IGF1: variants seen among roughly 807,000 people sequenced by gnomAD.
The protein encoded by IGF1 is insulin-like growth factor 1.
IGF1 carries 4 observed loss-of-function variants against 13.8 expected under a neutral mutation model. The observed-to-expected ratio is 0.29, with a 90% CI of 0.14 to 0.66. IGF1 has a LOEUF of 0.66. Ranked by LOEUF, IGF1 falls within the 30% of genes least tolerant of loss-of-function variation. The probability of loss-of-function intolerance (pLI) is 0.78; values close to 1 mark genes in which losing one functional copy is unlikely to be tolerated. For synonymous variants in IGF1, 76 were observed against 72.6 expected (o/e 1.05, Z -0.23); for missense variants, 124 against 188.5 (o/e 0.66, Z 2.00).
intron 3 of IGF1, among the ~76,000 whole-genome samples, chr12:102,418,215 C>G (rs1875337266): frequency 6.6e-6 from 1 of 152,204 alleles, no homozygotes; most frequent in African/African-American, 2.4e-5. Context: ...CCAAGAGGCG[C>G]TGGGTCACCT....
chr12:102,426,372 A>G (rs892313476), intron 2 of IGF1, among the ~76,000 whole-genome samples: 2 of 152,264 alleles, frequency 1.3e-5, no homozygotes, highest in African/African-American at 4.8e-5. Context: ...TAAACTATAT[A>G]AATGTTGACA....
chr12:102,464,571 T>A (rs1802392066), intron 2 of IGF1, among the ~76,000 whole-genome samples: 1 of 151,468 alleles, frequency 6.6e-6, no homozygotes, highest in South Asian at 2.1e-4. Context: ...GTAGCAGCAG[T>A]AGCAGTAGCC....
intron 2 of IGF1, among the ~76,000 whole-genome samples, chr12:102,437,044 G>T (rs1401701903): frequency 1.3e-5 from 2 of 152,206 alleles, no homozygotes; most frequent in Non-Finnish European, 2.9e-5. Context: ...GGTTTTTAAT[G>T]ATTCTCTTTC....
chr12:102,454,206 G>A (rs2137165933), intron 2 of IGF1, among the ~76,000 whole-genome samples: 1 of 152,206 alleles, frequency 6.6e-6, no homozygotes, highest in South Asian at 2.1e-4. Flanking sequence ...CCTGTACAAG[G>A]CCTACCTTAA....
At chr12:102,461,713 A>G (rs1028229923) in intron 2 of IGF1, among the ~76,000 whole-genome samples, 9 of 152,192 alleles carry the variant, frequency 5.9e-5, no homozygotes, top group Middle Eastern at 3.2e-3. Flanking sequence ...TCCAATTTCC[A>G]GTTCACAGAA....
chr12:102,448,522 C>T (rs1247688091), intron 2 of IGF1, among the ~76,000 whole-genome samples: 1 of 117,752 alleles, frequency 8.5e-6, no homozygotes, highest in Non-Finnish European at 1.7e-5. Context: ...GGGAATATCA[C>T]ACTCTGGGGA....
chr12:102,431,184 T>G (rs1876708671), intron 2 of IGF1, among the ~76,000 whole-genome samples: 2 of 152,240 alleles, frequency 1.3e-5, no homozygotes, highest in Admixed American at 1.3e-4. Context: ...CTACTAGGCT[T>G]GAAGCTTAGT....
chr12:102,449,040 A>G (rs1397801045), intron 2 of IGF1, among the ~76,000 whole-genome samples: 1 of 152,202 alleles, frequency 6.6e-6, no homozygotes, highest in Non-Finnish European at 1.5e-5. Flanking sequence ...CAGCAATCCC[A>G]TTACTGGGTA....
At chr12:102,432,045 C>A (rs919401559) in intron 2 of IGF1, among the ~76,000 whole-genome samples, 3 of 152,168 alleles carry the variant, frequency 2.0e-5, no homozygotes, top group Non-Finnish European at 2.9e-5. Context: ...TACCCATAAT[C>A]TTGATATCCC....
chr12:102,418,468 G>C (rs190756943), intron 3 of IGF1, among the ~76,000 whole-genome samples: 1 of 152,324 alleles, frequency 6.6e-6, no homozygotes, highest in Non-Finnish European at 1.5e-5. Context: ...AGCAGCGAAG[G>C]TGTCATGGTG....
In IGF1 at chr12:102,398,777, GCTTT is replaced by G. The variant is rs1269016247; in HGVS notation, c.*3726_*3729del. 6.6e-6 allele frequency: 1 copy of G among 151,920 alleles called. No individual in the cohort carries two copies. The highest frequency in any genetic ancestry group is 1.5e-5 in the Non-Finnish European group (1 of 67,916). 9.4% of individuals were successfully genotyped at this position (151,920 alleles called of 1,614,324 possible). A position where few individuals can be genotyped will look rare whatever the true frequency, so the allele number is the denominator to read the frequency against. Reference sequence around the variant, plus strand: ...TTATACTTTAAAAAAATATGTCTATGCTTTCTTTTTTTTCTTTTTTTCTTTTTTT... The same window carrying G: ...TTATACTTTAAAAAAATATGTCTATGCTTTTTTTTCTTTTTTTCTTTTTTT... On this transcript the variant is annotated 3_prime_UTR_variant, in exon 4 of 4. Coordinates refer to ENST00000337514, the MANE Select transcript of IGF1 (RefSeq NM_000618.5).
At chr12:102,458,798 G>T (rs1879664529) in intron 2 of IGF1, among the ~76,000 whole-genome samples, 1 of 148,680 alleles carries the variant, frequency 6.7e-6, no homozygotes, top group Non-Finnish European at 1.5e-5. Flanking sequence ...TCTCTCAGAG[G>T]AAAGAGGGTT....
chr12:102,397,069 G>A lies in IGF1; in HGVS notation c.*5438C>T, dbSNP rs1242225365. ...TCCAAAAAATTAGCCGGGCATAGTGGTGGGTGCCTGTAATCCCAGCTACTC... is the reference window on the plus strand; with the variant it reads ...TCCAAAAAATTAGCCGGGCATAGTGATGGGTGCCTGTAATCCCAGCTACTC... On this transcript the variant is annotated 3_prime_UTR_variant, in exon 4 of 4. Coordinates refer to ENST00000337514, the MANE Select transcript of IGF1 (RefSeq NM_000618.5). 1 of 358,418 alleles carries A rather than the reference G, an allele frequency of 2.8e-6. No individual in the cohort carries two copies. The highest frequency in any genetic ancestry group is 5.0e-6 in the Non-Finnish European group (1 of 201,486). The allele number at this position is 358,418 out of a possible 1,614,324, so 22.2% of individuals were successfully genotyped here.
intron 3 of IGF1, among the ~76,000 whole-genome samples, chr12:102,409,039 G>C (rs188173995): frequency 9.2e-5 from 14 of 152,146 alleles, no homozygotes; most frequent in African/African-American, 3.1e-4. Context: ...CACAGTAGTC[G>C]TGTGACCTTT....
intron 1 of IGF1, among the ~76,000 whole-genome samples, chr12:102,477,566 G>A (rs17032634): frequency 0.019 from 2,637 of 142,122 alleles, 71 homozygotes; most frequent in African/African-American, 0.066. Context: ...TAAAATTAGT[G>A]GGGTTTTCCT....
chr12:102,420,882 T>G (rs1875651455), intron 2 of IGF1, among the ~76,000 whole-genome samples: 1 of 152,262 alleles, frequency 6.6e-6, no homozygotes, highest in African/African-American at 2.4e-5. Context: ...GTATTCAATC[T>G]TAATTCCTGA....
upstream of IGF1, chr12:102,480,566 G>C: frequency 6.9e-7 from 1 of 1,442,938 alleles, no homozygotes; most frequent in Non-Finnish European, 9.1e-7. Context: ...AACAGAAGAG[G>C]GATTTAGAGA....
At chr12:102,461,472 A>T (rs1879889962) in intron 2 of IGF1, among the ~76,000 whole-genome samples, 1 of 152,246 alleles carries the variant, frequency 6.6e-6, no homozygotes, top group African/African-American at 2.4e-5. Flanking sequence ...ACCCATAAGA[A>T]ATAATATTAG....
At chr12:102,443,930 T>C (rs1402219497) in intron 2 of IGF1, among the ~76,000 whole-genome samples, 1 of 151,998 alleles carries the variant, frequency 6.6e-6, no homozygotes, top group African/African-American at 2.4e-5. Context: ...GGGGTTCAAG[T>C]GATTCTCCTG....
Sources: allele counts gnomAD v4.1 joint callset (sites outside exome capture counted in the v4.1 genomes callset), GRCh38; gene constraint gnomAD v4.1.1; transcripts MANE v1.5; gene names NCBI Gene and HGNC (gene_info 2026-07-23, HGNC 2026-07-21).